MTUS1: variants seen among roughly 807,000 people sequenced by gnomAD.
The protein encoded by MTUS1 is microtubule-associated tumor suppressor 1.
Under a neutral mutation model 120.8 loss-of-function variants are expected in MTUS1, and 109 were observed. That is an observed-to-expected ratio of 0.90 (90% CI 0.77 to 1.06). The LOEUF (loss-of-function observed/expected upper bound fraction) is 1.06. MTUS1 is among the 50% of genes least tolerant of loss of function. MTUS1 has a pLI of 0.00. For missense variants in MTUS1, 2,210 were observed against 1,486.3 expected, an observed-to-expected ratio of 1.49 and a Z score of -8.01; for synonymous variants, 737 against 550.5, an observed-to-expected ratio of 1.34 and a Z score of -4.74.
chr8:17,725,062 C>T (rs1229027849), intron 3 of MTUS1, among the ~76,000 whole-genome samples: 1 of 152,032 alleles, frequency 6.6e-6, no homozygotes, highest in East Asian at 1.9e-4. Context: ...AGCCATATAG[C>T]CCTATTTTTT....
At chr8:17,738,022 A>G (rs1210321512) in intron 3 of MTUS1, among the ~76,000 whole-genome samples, 1 of 152,252 alleles carries the variant, frequency 6.6e-6, no homozygotes, top group Non-Finnish European at 1.5e-5. Flanking sequence ...ACTTAGCAAG[A>G]AAGAAGAGAA....
At chr8:17,737,898 T>C (rs1275712907) in intron 3 of MTUS1, among the ~76,000 whole-genome samples, 2 of 152,172 alleles carry the variant, frequency 1.3e-5, no homozygotes, top group African/African-American at 4.8e-5. Flanking sequence ...CTCCCTCAAA[T>C]TCTCACCTAG....
intron 4 of MTUS1, among the ~76,000 whole-genome samples, chr8:17,719,585 G>C (rs1433814672): frequency 6.6e-6 from 1 of 152,148 alleles, no homozygotes; most frequent in Admixed American, 6.5e-5. Flanking sequence ...GGAGCCTAAT[G>C]AATCTACCGC....
rs559536966 is a variant in MTUS1 at position 17,787,162 on chromosome 8, C to T, written c.-155+13899G>A. On this transcript the variant is annotated intron_variant, in intron 1 of 14. Coordinates refer to ENST00000693296, the MANE Select transcript of MTUS1 (RefSeq NM_001363059.2). ...GCTCCCTGACACCCTGTCAATTCCA[C>T]TGCTCCACGCCAGGCCAGCACAGTT... Among the ~76,000 whole-genome samples, 10 of 152,322 alleles carry T rather than the reference C, an allele frequency of 6.6e-5. 1 individual carries two copies. The highest frequency in any genetic ancestry group is 2.2e-4 in the African/African-American group (9 of 41,568).
intron 5 of MTUS1, among the ~76,000 whole-genome samples, chr8:17,714,210 A>G (rs1370477104): frequency 6.6e-6 from 1 of 152,170 alleles, no homozygotes; most frequent in Non-Finnish European, 1.5e-5. Flanking sequence ...TGCACACTGA[A>G]GAATTCAACC....
chr8:17,741,204 A>C (rs1417379771), intron 3 of MTUS1, among the ~76,000 whole-genome samples: 1 of 151,910 alleles, frequency 6.6e-6, no homozygotes, highest in Non-Finnish European at 1.5e-5. Flanking sequence ...TTCTAAGGGC[A>C]CCACCCCTAC....
At chr8:17,775,002 G>C (rs1433925717) in intron 1 of MTUS1, among the ~76,000 whole-genome samples, 2 of 115,068 alleles carry the variant, frequency 1.7e-5, no homozygotes, top group Non-Finnish European at 3.8e-5. Flanking sequence ...AACCAGAAAA[G>C]GACAAATATT....
chr8:17,684,664 G>T, intron 6 of MTUS1, 122 bp from the exon 7 acceptor site: 1 of 744,748 alleles, frequency 1.3e-6, no homozygotes, highest in Non-Finnish European at 2.3e-6. Flanking sequence ...TTGCTGTAAG[G>T]AATGCATATG....
At chr8:17,652,042 A>G (rs984366244) in intron 12 of MTUS1, among the ~76,000 whole-genome samples, 2 of 147,054 alleles carry the variant, frequency 1.4e-5, no homozygotes, top group Non-Finnish European at 3.0e-5. Flanking sequence ...GGTCTCACTG[A>G]GAGATCCACA....
At chr8:17,708,623 C>G (rs1820630306) in intron 6 of MTUS1, 1 of 152,168 alleles carries the variant, frequency 6.6e-6, no homozygotes, top group Non-Finnish European at 1.5e-5. Flanking sequence ...CAAAGCCATT[C>G]CATAGAATAT....
chr8:17,653,420 C>T lies in MTUS1; in HGVS notation c.3288+5G>A. 6.2e-7 allele frequency: 1 copy of T among 1,601,758 alleles called. No individual in the cohort carries two copies. Among genetic ancestry groups the T allele is most frequent in the Non-Finnish European group, 8.5e-7 (1 of 1,173,760 alleles). ...GGGGATACTGGGATATTGACATTCA[C>T]CCACCTCTAGCGATTCCTGCTTCTC... On this transcript the variant is annotated splice_donor_5th_base_variant and intron_variant, in intron 11 of 14. Transcript: ENST00000693296.
chr8:17,656,793 C>T (rs984474202), intron 8 of MTUS1, among the ~76,000 whole-genome samples: 5 of 151,130 alleles, frequency 3.3e-5, no homozygotes, highest in South Asian at 2.1e-4. Flanking sequence ...GTGGACCGGC[C>T]GGGCGCGGTG....
intron 13 of MTUS1, among the ~76,000 whole-genome samples, chr8:17,648,798 T>C (rs763741589): frequency 6.6e-6 from 1 of 152,196 alleles, no homozygotes; most frequent in Non-Finnish European, 1.5e-5. Context: ...TGTAGAAGCC[T>C]GAGTCACTCA....
chr8:17,731,893 C>A (rs1370082778), intron 3 of MTUS1, among the ~76,000 whole-genome samples: 1 of 152,200 alleles, frequency 6.6e-6, no homozygotes, highest in African/African-American at 2.4e-5. Flanking sequence ...CATTGCTTAA[C>A]CCCATAGAAG....
chr8:17,696,940 A>C (rs1196823849), intron 6 of MTUS1, among the ~76,000 whole-genome samples: 2 of 152,182 alleles, frequency 1.3e-5, no homozygotes, highest in East Asian at 3.8e-4. Context: ...TTTCCCAAAC[A>C]CTGGAACTAA....
intron 6 of MTUS1, among the ~76,000 whole-genome samples, chr8:17,696,904 ATTC>A (rs1244775032): frequency 1.3e-5 from 2 of 152,214 alleles, no homozygotes; most frequent in Non-Finnish European, 2.9e-5. Context: ...AACAGGAAAT[ATTC>A]TTCTAAATTT....
At chr8:17,675,337 A>T (rs1812878353) in intron 7 of MTUS1, 85 bp from the exon 8 acceptor site, 1 of 1,224,742 alleles carries the variant, frequency 8.2e-7, no homozygotes, top group Non-Finnish European at 1.2e-6. Context: ...TAGGAAAATG[A>T]GACCCAGTAT....
intron 8 of MTUS1, among the ~76,000 whole-genome samples, chr8:17,657,989 AATAC>A (rs1428898355): frequency 3.3e-5 from 5 of 150,310 alleles, no homozygotes; most frequent in African/African-American, 1.2e-4. Context: ...ATACATATAT[AATAC>A]ATATATACAC....
chr8:17,753,085 A>T (rs886707316), intron 2 of MTUS1, among the ~76,000 whole-genome samples: 1 of 152,184 alleles, frequency 6.6e-6, no homozygotes, highest in African/African-American at 2.4e-5. Context: ...ACATAAGTAA[A>T]AGATTTTATT....
Sources: allele counts gnomAD v4.1 joint callset (sites outside exome capture counted in the v4.1 genomes callset), GRCh38; gene constraint gnomAD v4.1.1; transcripts MANE v1.5; gene names NCBI Gene and HGNC (gene_info 2026-07-23, HGNC 2026-07-21).